The following MAP2 variants were observed in gnomAD, a reference collection of about 807,000 sequenced individuals.
MAP2 encodes the protein microtubule-associated protein 2.
A neutral mutation model predicts 137.6 loss-of-function variants in MAP2; 14 were observed. The ratio of observed to expected loss-of-function variants is 0.10; its 90% CI spans 0.07 to 0.16. MAP2 has a LOEUF of 0.16. MAP2 is among the 10% of genes least tolerant of loss of function. MAP2 has a pLI of 1.00. For missense variants in MAP2, 2,088 were observed against 2,191.5 expected, an observed-to-expected ratio of 0.95 and a Z score of 0.94; for synonymous variants, 786 against 782.3, an observed-to-expected ratio of 1.00 and a Z score of -0.08.
intron 4 of MAP2, among the ~76,000 whole-genome samples, chr2:209,647,638 G>A (rs2094500180): frequency 6.6e-6 from 1 of 152,142 alleles, no homozygotes. Flanking sequence ...AAAGGTTAAT[G>A]TCAGATCAAC....
intron 7 of MAP2, among the ~76,000 whole-genome samples, chr2:209,689,906 T>C (rs2058340335): frequency 6.6e-6 from 1 of 152,198 alleles, no homozygotes; most frequent in Non-Finnish European, 1.5e-5. Flanking sequence ...TTTTTGAAAA[T>C]GTTCATTTTC....
At chr2:209,691,141 G>GC (rs3835775) in intron 7 of MAP2, among the ~76,000 whole-genome samples, 15,056 of 150,434 alleles carry the variant, frequency 0.1, 915 homozygotes, top group East Asian at 0.22. Flanking sequence ...TTTTTTACCC[G>GC]CCCCCCCTCA....
At chr2:209,489,866 A>C (rs2058854254) in intron 1 of MAP2, among the ~76,000 whole-genome samples, 1 of 152,192 alleles carries the variant, frequency 6.6e-6, no homozygotes, top group African/African-American at 2.4e-5. Context: ...TGGAAAACAC[A>C]CTTCAGTATA....
intron 3 of MAP2, among the ~76,000 whole-genome samples, chr2:209,619,021 C>G (rs2090367109): frequency 6.6e-6 from 1 of 152,114 alleles, no homozygotes; most frequent in South Asian, 2.1e-4. Context: ...AAGACAGACT[C>G]AGAAAGACAT....
intron 2 of MAP2, among the ~76,000 whole-genome samples, chr2:209,522,887 T>C (rs1311826100): frequency 6.6e-6 from 1 of 152,116 alleles, no homozygotes; most frequent in Non-Finnish European, 1.5e-5. Context: ...AGCCCACAAT[T>C]ATTGGTGGTG....
At chr2:209,499,895 A>C (rs1020909769) in intron 1 of MAP2, among the ~76,000 whole-genome samples, 1 of 152,148 alleles carries the variant, frequency 6.6e-6, no homozygotes, top group Non-Finnish European at 1.5e-5. Context: ...TGCCCCCATT[A>C]TCCAGTCACC....
At chr2:209,629,170 A>G (rs2092722159) in intron 4 of MAP2, among the ~76,000 whole-genome samples, 1 of 152,232 alleles carries the variant, frequency 6.6e-6, no homozygotes, top group Non-Finnish European at 1.5e-5. Context: ...AAGAGCAGAA[A>G]ATATTTATTA....
chr2:209,664,414 G>A (rs537866444), intron 5 of MAP2, among the ~76,000 whole-genome samples: 4 of 152,120 alleles, frequency 2.6e-5, no homozygotes, highest in African/African-American at 9.7e-5. Flanking sequence ...GCTGGGCATG[G>A]TGGCACATGC....
At chr2:209,612,098 G>A (rs543763557) in intron 3 of MAP2, among the ~76,000 whole-genome samples, 1 of 152,262 alleles carries the variant, frequency 6.6e-6, no homozygotes, top group East Asian at 1.9e-4. Flanking sequence ...TGTGTGTGCT[G>A]TATCACATGA....
intron 1 of MAP2, among the ~76,000 whole-genome samples, chr2:209,449,761 A>G (rs556680142): frequency 6.6e-5 from 10 of 152,200 alleles, no homozygotes; most frequent in Admixed American, 5.2e-4. Context: ...CTGACTTCTC[A>G]TCAGATCTGA....
chr2:209,462,475 A>C (rs898037590), intron 1 of MAP2, among the ~76,000 whole-genome samples: 6 of 152,188 alleles, frequency 3.9e-5, no homozygotes, highest in African/African-American at 1.2e-4. Flanking sequence ...GGTTATTTAT[A>C]GGCAACCTTT....
intron 3 of MAP2, among the ~76,000 whole-genome samples, chr2:209,593,879 ATATAT>A (rs2080396047): frequency 1.1e-5 from 1 of 95,120 alleles, no homozygotes; most frequent in Non-Finnish European, 2.0e-5. Flanking sequence ...TATTATAAAA[ATATAT>A]TTATATTATT....
rs141522729 is a variant in MAP2, at chr2:209,694,543, A to G, written c.2373A>G (p.Leu791=). The G allele has an allele frequency of 1.7e-4, 269 of 1,614,098 alleles. 1 individual carries two copies. The African/African-American group carries it at 2.7e-3, about 16-fold the overall frequency. The part of the protein sequence containing the change: ...QAEISCESPF[L]AKDFYKNGTV... The stretch of plus-strand genomic sequence containing the variant: ...AGATATCATGTGAGTCTCCTTTCCT[A>G]GCCAAAGATTTTTACAAAAATGGTA... Residue 791 remains leucine, a synonymous_variant, in exon 8 of 16, where the codon CTA becomes CTG. Transcript: ENST00000682079.
intron 2 of MAP2, among the ~76,000 whole-genome samples, chr2:209,511,533 A>G (rs2061716912): frequency 6.6e-6 from 1 of 152,112 alleles, no homozygotes; most frequent in Admixed American, 6.6e-5. Flanking sequence ...AGATTAATTC[A>G]TGCTTTCTTG....
At chr2:209,505,629 T>A (rs906693801) in intron 1 of MAP2, among the ~76,000 whole-genome samples, 1 of 152,000 alleles carries the variant, frequency 6.6e-6, no homozygotes, top group East Asian at 1.9e-4. Flanking sequence ...TTGTGCTGCC[T>A]AATGGATACT....
At chr2:209,670,443 G>A (rs1231874666) in intron 5 of MAP2, among the ~76,000 whole-genome samples, 2 of 151,908 alleles carry the variant, frequency 1.3e-5, no homozygotes, top group African/African-American at 2.4e-5. Context: ...AAATTTTCCA[G>A]TAGGTACTAT....
At chr2:209,683,720 G>A (rs1253570026) in intron 7 of MAP2, among the ~76,000 whole-genome samples, 1 of 152,092 alleles carries the variant, frequency 6.6e-6, no homozygotes, top group East Asian at 1.9e-4. Context: ...TTATCTAGGG[G>A]ATTATTTACC....
At chr2:209,594,340 T>C (rs994010982) in intron 3 of MAP2, among the ~76,000 whole-genome samples, 3 of 151,964 alleles carry the variant, frequency 2.0e-5, no homozygotes, top group African/African-American at 7.3e-5. Flanking sequence ...GCTTCAAGGG[T>C]CAAATGTAGT....
intron 2 of MAP2, among the ~76,000 whole-genome samples, chr2:209,552,367 G>A (rs1231767699): frequency 2.6e-5 from 4 of 151,976 alleles, no homozygotes; most frequent in African/African-American, 9.7e-5. Flanking sequence ...AAACATTGGG[G>A]TTTACAGACA....
Sources: allele counts gnomAD v4.1 joint callset (sites outside exome capture counted in the v4.1 genomes callset), GRCh38; gene constraint gnomAD v4.1.1; transcripts MANE v1.5; gene names NCBI Gene and HGNC (gene_info 2026-07-23, HGNC 2026-07-21).